Variants in FAM3B observed in about 807,000 individuals in gnomAD.
FAM3B encodes protein FAM3B.
A neutral mutation model predicts 28.4 loss-of-function variants in FAM3B; 29 were observed. The ratio of observed to expected loss-of-function variants is 1.02; its 90% CI spans 0.76 to 1.39. The LOEUF (loss-of-function observed/expected upper bound fraction) is 1.39, where lower values mean the gene tolerates loss of function less well. FAM3B is among the 40% of genes most tolerant of loss of function. The pLI is 0.00. For synonymous variants in FAM3B, 91 were observed against 103.0 expected (o/e 0.88, Z 0.71); for missense variants, 266 against 293.9 (o/e 0.91, Z 0.69).
At chr21:41,304,386 T>G (rs906028383) in intron 1 of FAM3B, 22 of 447,376 alleles carry the variant, frequency 4.9e-5, no homozygotes, top group Non-Finnish European at 9.0e-5. Context: ...TCTGGGACCC[T>G]GAGCAGCCCG....
At chr21:41,319,831 C>T (rs549138919) in intron 1 of FAM3B, 8 of 152,376 alleles carry the variant, frequency 5.3e-5, no homozygotes, top group African/African-American at 1.9e-4. Flanking sequence ...ACCCCCCAAC[C>T]CCATTTACAT....
intron 2 of FAM3B, among the ~76,000 whole-genome samples, chr21:41,337,377 G>C (rs920765929): frequency 6.6e-6 from 1 of 152,218 alleles, no homozygotes; most frequent in African/African-American, 2.4e-5. Flanking sequence ...AGATGTGTGG[G>C]GGCTGTGGGG....
intron 2 of FAM3B, among the ~76,000 whole-genome samples, chr21:41,333,705 G>A (rs753777500): frequency 6.6e-6 from 1 of 152,232 alleles, no homozygotes; most frequent in Non-Finnish European, 1.5e-5. Context: ...TAGGAGTGGA[G>A]CATTGCTATA....
At chr21:41,308,325 CAGAG>C (rs1281165893) in intron 1 of FAM3B, among the ~76,000 whole-genome samples, 2 of 151,836 alleles carry the variant, frequency 1.3e-5, no homozygotes, top group African/African-American at 2.4e-5. Context: ...AAGCCAGGCT[CAGAG>C]AGGTTAAATG....
intron 7 of FAM3B, among the ~76,000 whole-genome samples, chr21:41,356,629 T>C (rs567721452): frequency 4.7e-4 from 71 of 152,362 alleles, no homozygotes; most frequent in Non-Finnish European, 8.4e-4. Context: ...AGGTAGATTA[T>C]AGAACATGTC....
chr21:41,321,422 G>GC (rs2088804417), intron 1 of FAM3B, among the ~76,000 whole-genome samples: 1 of 152,196 alleles, frequency 6.6e-6, no homozygotes, highest in South Asian at 2.1e-4. Flanking sequence ...AACCGTTGGC[G>GC]CAGCTGCGGG....
intron 1 of FAM3B, among the ~76,000 whole-genome samples, chr21:41,322,428 T>C (rs889198738): frequency 7.9e-5 from 12 of 152,138 alleles, no homozygotes; most frequent in African/African-American, 9.7e-5. Context: ...AGGAATACGT[T>C]GCATGCTTGC....
intron 3 of FAM3B, among the ~76,000 whole-genome samples, chr21:41,339,923 T>G (rs1043905593): frequency 6.6e-6 from 1 of 152,016 alleles, no homozygotes; most frequent in Non-Finnish European, 1.5e-5. Context: ...CTGGAGACCT[T>G]GAGATGCTGG....
intron 1 of FAM3B, among the ~76,000 whole-genome samples, chr21:41,310,099 AC>A (rs1235138531): frequency 6.6e-6 from 1 of 152,006 alleles, no homozygotes; most frequent in African/African-American, 2.4e-5. Context: ...GGGAGTTTCT[AC>A]CCAAAGGCAG....
At chr21:41,316,378 G>C (rs2088748824), upstream of FAM3B, among the ~76,000 whole-genome samples, 1 of 152,234 alleles carries the variant, frequency 6.6e-6, no homozygotes, top group Admixed American at 6.5e-5. Context: ...CGACTGTTCT[G>C]GAGGAAGCAA....
chr21:41,327,871 G>A (rs763752051), intron 2 of FAM3B, among the ~76,000 whole-genome samples: 89 of 152,308 alleles, frequency 5.8e-4, no homozygotes, highest in Middle Eastern at 3.4e-3. Context: ...CATCAGGGCC[G>A]TGGATGTGGC....
In FAM3B at chr21:41,345,715, T is replaced by A. The variant is rs781363420; in HGVS notation, c.376T>A (p.Cys126Ser). The change falls in exon 5 of 8, where the codon TGT (cysteine) becomes AGT (serine). Residue 126 changes from cysteine (C) to serine (S), a missense_variant. Coordinates refer to ENST00000357985, the MANE Select transcript of FAM3B (RefSeq NM_058186.4). ...AACTGGGAATGTGACAGCAACACGATGTTTTGATATGTATGAAGGTGGTAA... is the reference window on the plus strand; with the variant it reads ...AACTGGGAATGTGACAGCAACACGAAGTTTTGATATGTATGAAGGTGGTAA... ...YVTGNVTATR[C>S]FDMYEGDNSG... 6.5e-7 allele frequency: 1 copy of A among 1,545,324 alleles called. No homozygotes were observed. Among genetic ancestry groups the A allele is most frequent in the Non-Finnish European group, 8.7e-7 (1 of 1,149,836 alleles).
upstream of FAM3B, among the ~76,000 whole-genome samples, chr21:41,316,489 C>T (rs1367432188): frequency 1.3e-5 from 2 of 152,208 alleles, no homozygotes; most frequent in African/African-American, 2.4e-5. Flanking sequence ...CTTCCCTTTC[C>T]TCTTGGGAGA....
chr21:41,352,408 TC>T (rs1216139380), intron 7 of FAM3B, among the ~76,000 whole-genome samples: 1 of 149,298 alleles, frequency 6.7e-6, no homozygotes, highest in Non-Finnish European at 1.5e-5. Flanking sequence ...TTTTGTACCT[TC>T]CCTGAGAAAG....
intron 3 of FAM3B, among the ~76,000 whole-genome samples, chr21:41,343,448 A>G (rs995097582): frequency 6.6e-6 from 1 of 152,112 alleles, no homozygotes; most frequent in Non-Finnish European, 1.5e-5. Context: ...AGATTAGCCG[A>G]TTTTCTATTA....
chr21:41,343,699 C>T (rs1020083692), intron 3 of FAM3B, among the ~76,000 whole-genome samples: 1 of 152,236 alleles, frequency 6.6e-6, no homozygotes, highest in East Asian at 1.9e-4. Context: ...ACAACATGCA[C>T]ACACACAATT....
At chr21:41,329,091 C>T (rs2088881375) in intron 2 of FAM3B, among the ~76,000 whole-genome samples, 1 of 152,224 alleles carries the variant, frequency 6.6e-6, no homozygotes, top group Non-Finnish European at 1.5e-5. Context: ...TAACATGCAT[C>T]ACCTCACATA....
intron 1 of FAM3B, among the ~76,000 whole-genome samples, chr21:41,321,700 C>G (rs1395026977): frequency 2.0e-5 from 3 of 152,228 alleles, no homozygotes; most frequent in African/African-American, 2.4e-5. Context: ...CCCCATGGCT[C>G]CCTCTGCTGA....
At chr21:41,344,620 C>T (rs750078413) in intron 4 of FAM3B, 86 bp downstream of exon 4, 44 of 1,061,928 alleles carry the variant, frequency 4.1e-5, no homozygotes, top group Admixed American at 7.6e-5. Flanking sequence ...GAGACTTTTG[C>T]GCGTGATTTA....
Sources: gnomAD v4.1 joint callset for allele counts (sites outside exome capture counted in the v4.1 genomes callset) on GRCh38, gnomAD v4.1.1 for gene constraint, MANE v1.5 for transcripts, NCBI Gene and HGNC (gene_info 2026-07-23, HGNC 2026-07-21) for gene names.